The following PRKG1 variants were observed in gnomAD, a reference collection of about 807,000 sequenced individuals.
The protein encoded by PRKG1 is protein kinase cGMP-dependent 1, also known as cGMP-dependent protein kinase 1.
PRKG1 carries 35 observed loss-of-function variants against 88.1 expected under a neutral mutation model. That is an observed-to-expected ratio of 0.40 (90% CI 0.30 to 0.53). The LOEUF (loss-of-function observed/expected upper bound fraction) is 0.53. Ranked by LOEUF, PRKG1 falls within the 20% of genes least tolerant of loss-of-function variation. The pLI is 0.59. For synonymous variants in PRKG1, 303 were observed against 292.5 expected, an observed-to-expected ratio of 1.04 and a Z score of -0.37; for missense variants, 540 against 839.8, an observed-to-expected ratio of 0.64 and a Z score of 4.41.
At chr10:52,057,527 T>C (rs952338383) in intron 6 of PRKG1, among the ~76,000 whole-genome samples, 2 of 152,212 alleles carry the variant, frequency 1.3e-5, no homozygotes, top group African/African-American at 4.8e-5. Context: ...TAAAATGAAC[T>C]ATCTCTTTAT....
At chr10:51,790,301 C>T (rs1838837710) in intron 3 of PRKG1, among the ~76,000 whole-genome samples, 1 of 152,056 alleles carries the variant, frequency 6.6e-6, no homozygotes, top group Non-Finnish European at 1.5e-5. Context: ...TATGTTAGTG[C>T]TAATTTGTTC....
At chr10:51,319,373 C>T (rs1306493740) in intron 2 of PRKG1, among the ~76,000 whole-genome samples, 1 of 152,178 alleles carries the variant, frequency 6.6e-6, no homozygotes, top group Non-Finnish European at 1.5e-5. Flanking sequence ...GAACCAAGAA[C>T]ATAATTCTTT....
At chr10:51,889,731 C>G (rs547704764) in intron 4 of PRKG1, among the ~76,000 whole-genome samples, 73 of 152,276 alleles carry the variant, frequency 4.8e-4, no homozygotes, top group African/African-American at 1.8e-3. Flanking sequence ...TGTTTCCTGA[C>G]TTTTTAATGA....
intron 3 of PRKG1, among the ~76,000 whole-genome samples, chr10:51,710,222 A>G (rs1337541898): frequency 2.0e-5 from 3 of 152,202 alleles, no homozygotes; most frequent in Non-Finnish European, 4.4e-5. Context: ...CCCTTCTGTC[A>G]GACAAGATAG....
intron 2 of PRKG1, among the ~76,000 whole-genome samples, chr10:51,261,907 T>C (rs1194558489): frequency 1.4e-5 from 2 of 144,152 alleles, no homozygotes; most frequent in African/African-American, 5.3e-5. Context: ...TTTTTTGAGA[T>C]GGAGTCTGGC....
At chr10:52,244,850 AT>A (rs66599448) in intron 9 of PRKG1, among the ~76,000 whole-genome samples, 1 of 132,856 alleles carries the variant, frequency 7.5e-6, no homozygotes, top group Non-Finnish European at 1.6e-5. Flanking sequence ...ATATTTAAAT[AT>A]TTTTATATAT....
At chr10:51,548,668 AG>A (rs1223232563) in intron 3 of PRKG1, among the ~76,000 whole-genome samples, 2 of 152,146 alleles carry the variant, frequency 1.3e-5, no homozygotes, top group Non-Finnish European at 2.9e-5. Flanking sequence ...CTACTTCAAA[AG>A]CATTTTTGTG....
chr10:52,131,815 T>A, intron 7 of PRKG1, among the ~76,000 whole-genome samples: 2 of 5,068 alleles, frequency 3.9e-4, no homozygotes, highest in African/African-American at 3.7e-4. Context: ...CGAAACTCCA[T>A]CAAAAAAAAA....
At chr10:51,027,848 A>G (rs142949931) in intron 1 of PRKG1, among the ~76,000 whole-genome samples, 126 of 152,192 alleles carry the variant, frequency 8.3e-4, no homozygotes, top group African/African-American at 2.9e-3. Context: ...CAACCCAGGA[A>G]CCCTTAATTG....
At chr10:52,060,605 G>A (rs1846214111) in intron 6 of PRKG1, among the ~76,000 whole-genome samples, 1 of 151,728 alleles carries the variant, frequency 6.6e-6, no homozygotes, top group Non-Finnish European at 1.5e-5. Context: ...TAAGGGAAAT[G>A]CCATCTAATA....
At chr10:51,524,673 A>G (rs989968139) in intron 3 of PRKG1, among the ~76,000 whole-genome samples, 4 of 152,148 alleles carry the variant, frequency 2.6e-5, no homozygotes, top group African/African-American at 9.7e-5. Flanking sequence ...CCATTCTGCC[A>G]TTTCTGCCCC....
intron 3 of PRKG1, among the ~76,000 whole-genome samples, 192 bp from the exon 4 acceptor site, chr10:51,804,393 A>AT (rs527892297): frequency 1.2e-4 from 19 of 152,172 alleles, no homozygotes; most frequent in Admixed American, 9.8e-4. Flanking sequence ...TATGAACTAC[A>AT]TTTTGCCTGT....
At chr10:52,256,410 A>G (rs1285931210) in intron 10 of PRKG1, among the ~76,000 whole-genome samples, 1 of 139,482 alleles carries the variant, frequency 7.2e-6, no homozygotes, top group Non-Finnish European at 1.6e-5. Flanking sequence ...CTAGAGCTCT[A>G]GAATTAGGCT....
intron 2 of PRKG1, among the ~76,000 whole-genome samples, chr10:51,404,895 T>G (rs549828799): frequency 2.8e-4 from 42 of 152,290 alleles, no homozygotes; most frequent in Non-Finnish European, 4.9e-4. Flanking sequence ...GGGCCATCCT[T>G]AATGTTGGAG....
intron 2 of PRKG1, among the ~76,000 whole-genome samples, chr10:51,263,915 T>C (rs1839777518): frequency 6.6e-6 from 1 of 152,192 alleles, no homozygotes; most frequent in African/African-American, 2.4e-5. Flanking sequence ...TTCTCAAATA[T>C]GGTAATCCAT....
chr10:51,636,732 T>C (rs1839665421), intron 3 of PRKG1, among the ~76,000 whole-genome samples: 1 of 152,210 alleles, frequency 6.6e-6, no homozygotes, highest in Non-Finnish European at 1.5e-5. Context: ...ATTTGGCTCA[T>C]TCCTGGCTGA....
chr10:51,177,997 C>A (rs1224860412), intron 2 of PRKG1, among the ~76,000 whole-genome samples: 5 of 151,936 alleles, frequency 3.3e-5, no homozygotes, highest in Non-Finnish European at 7.4e-5. Context: ...CTTTAAAATG[C>A]AAGTTTAAAA....
chr10:52,074,700 T>A (rs1388011913), intron 7 of PRKG1, among the ~76,000 whole-genome samples: 2 of 152,202 alleles, frequency 1.3e-5, no homozygotes, highest in East Asian at 3.8e-4. Context: ...AATCATGACT[T>A]GCTATAAATC....
At chr10:51,664,561 G>C (rs1840377430) in intron 3 of PRKG1, among the ~76,000 whole-genome samples, 1 of 152,110 alleles carries the variant, frequency 6.6e-6, no homozygotes, top group Non-Finnish European at 1.5e-5. Flanking sequence ...TTTCATGGCT[G>C]TTGTGTTGAG....
Sources: gnomAD v4.1 joint callset for allele counts (sites outside exome capture counted in the v4.1 genomes callset) on GRCh38, gnomAD v4.1.1 for gene constraint, MANE v1.5 for transcripts, NCBI Gene and HGNC (gene_info 2026-07-23, HGNC 2026-07-21) for gene names.